ZNF148: variants seen among roughly 807,000 people sequenced by gnomAD.
ZNF148 encodes Beta-Enolase Repressor Factor-1.
Under a neutral mutation model 67.7 loss-of-function variants are expected in ZNF148, and 7 were observed. The observed-to-expected ratio is 0.10, with a 90% confidence interval of 0.06 to 0.19. ZNF148 has a LOEUF of 0.19. Ranked by LOEUF, ZNF148 falls within the 10% of genes least tolerant of loss-of-function variation. ZNF148 has a pLI of 1.00. For missense variants in ZNF148, 583 were observed against 947.1 expected, an observed-to-expected ratio of 0.62 and a Z score of 5.05; for synonymous variants, 333 against 330.7, an observed-to-expected ratio of 1.01 and a Z score of -0.08.
At chr3:125,282,707 A>C (rs942530772) in intron 5 of ZNF148, among the ~76,000 whole-genome samples, 7 of 152,166 alleles carry the variant, frequency 4.6e-5, no homozygotes, top group African/African-American at 1.4e-4. Context: ...ATCTATTACC[A>C]GCCAGCTACC....
intron 1 of ZNF148, among the ~76,000 whole-genome samples, chr3:125,371,807 G>A (rs1336303649): frequency 6.6e-6 from 1 of 152,014 alleles, no homozygotes; most frequent in Non-Finnish European, 1.5e-5. Context: ...ACTCATGACT[G>A]TAATCCCAGC....
At chr3:125,309,116 C>T (rs950370344) in intron 4 of ZNF148, among the ~76,000 whole-genome samples, 14 of 152,112 alleles carry the variant, frequency 9.2e-5, no homozygotes, top group Admixed American at 8.5e-4. Flanking sequence ...AAAAAAACTT[C>T]CCAGGATTAC....
At chr3:125,269,901 T>G (rs1374518597) in intron 7 of ZNF148, among the ~76,000 whole-genome samples, 1 of 151,684 alleles carries the variant, frequency 6.6e-6, no homozygotes, top group African/African-American at 2.4e-5. Flanking sequence ...GGGCGTTAAA[T>G]CTTGGGTACA....
At chr3:125,370,775 T>C (rs1942854379) in intron 1 of ZNF148, among the ~76,000 whole-genome samples, 1 of 152,218 alleles carries the variant, frequency 6.6e-6, no homozygotes, top group South Asian at 2.1e-4. Flanking sequence ...AGTTTTTTCC[T>C]ACCACATTCC....
At chr3:125,249,556 C>T (rs887492077) in intron 7 of ZNF148, among the ~76,000 whole-genome samples, 9 of 152,128 alleles carry the variant, frequency 5.9e-5, no homozygotes, top group South Asian at 2.1e-4. Context: ...GAAACCACTG[C>T]ACACTGCTGC....
intron 1 of ZNF148, among the ~76,000 whole-genome samples, chr3:125,371,846 C>T (rs908069237): frequency 3.3e-5 from 5 of 151,460 alleles, no homozygotes; most frequent in Admixed American, 2.6e-4. Context: ...GGGTAGATCA[C>T]GAGGTCAGGA....
intron 4 of ZNF148, among the ~76,000 whole-genome samples, chr3:125,298,749 C>T (rs2124189): frequency 0.77 from 116,372 of 150,976 alleles, 45,380 homozygotes; most frequent in African/African-American, 0.85. Flanking sequence ...CTCAGCCTCC[C>T]AAGTAGCTGG....
intron 1 of ZNF148, among the ~76,000 whole-genome samples, chr3:125,374,364 T>A (rs1389653572): frequency 6.6e-6 from 1 of 152,206 alleles, no homozygotes; most frequent in African/African-American, 2.4e-5. Flanking sequence ...TCCCTGCATC[T>A]TCTCTACTAT....
At chr3:125,291,735 T>G (rs2107632287) in intron 4 of ZNF148, among the ~76,000 whole-genome samples, 1 of 152,268 alleles carries the variant, frequency 6.6e-6, no homozygotes, top group South Asian at 2.1e-4. Context: ...GGCCAAACAT[T>G]TTAAAAGAAT....
chr3:125,371,433 G>A (rs1456083922), intron 1 of ZNF148, among the ~76,000 whole-genome samples: 1 of 147,804 alleles, frequency 6.8e-6, no homozygotes, highest in Non-Finnish European at 1.5e-5. Context: ...TTGGGAAGCC[G>A]AAGCGGACAG....
intron 4 of ZNF148, among the ~76,000 whole-genome samples, chr3:125,312,152 T>C (rs1940247889): frequency 6.6e-6 from 1 of 152,190 alleles, no homozygotes; most frequent in Admixed American, 6.5e-5. Flanking sequence ...TATAGACTAA[T>C]ATTTCTCATG....
At chr3:125,286,020 G>C (rs1579707029) in intron 5 of ZNF148, among the ~76,000 whole-genome samples, 1 of 151,984 alleles carries the variant, frequency 6.6e-6, no homozygotes. Context: ...AGATAATCTG[G>C]GTTTTAGTCA....
intron 1 of ZNF148, among the ~76,000 whole-genome samples, chr3:125,336,636 TAACCAACCAATAAACTCA>T (rs1216188334): frequency 6.7e-6 from 1 of 149,974 alleles, no homozygotes; most frequent in Admixed American, 6.7e-5. Flanking sequence ...ATCCCAAGGA[TAACCAACCAATAAACTCA>T]AACCAACCAC....
chr3:125,297,388 A>C (rs1321739391), intron 4 of ZNF148, among the ~76,000 whole-genome samples: 2 of 152,142 alleles, frequency 1.3e-5, no homozygotes, highest in Non-Finnish European at 2.9e-5. Context: ...GGACAGGCAA[A>C]AATTTCTTAA....
At chr3:125,268,056 G>T (rs936560797) in intron 7 of ZNF148, among the ~76,000 whole-genome samples, 9 of 151,924 alleles carry the variant, frequency 5.9e-5, no homozygotes, top group African/African-American at 1.9e-4. Context: ...ACTGCTGAAG[G>T]AAATCACAGA....
At chr3:125,253,615 G>C (rs1238438419) in intron 7 of ZNF148, among the ~76,000 whole-genome samples, 1 of 152,082 alleles carries the variant, frequency 6.6e-6, no homozygotes, top group South Asian at 2.1e-4. Flanking sequence ...TATTATTCTA[G>C]TTAAGATGTT....
rs922620544 is a variant in ZNF148, at chr3:125,331,204, C to A, written c.-199G>T. On this transcript the variant is annotated 5_prime_UTR_variant, in exon 2 of 9. Transcript: ENST00000360647. The stretch of plus-strand genomic sequence containing the variant: ...AACGCCCATCCCGCCAGATCACGTG[C>A]TTGAATTTCCAAGCTGCTGATTCCT... 1.5e-5 allele frequency: 6 copies of A among 398,416 alleles called. No homozygotes were observed. Among genetic ancestry groups the A allele is most frequent in the Middle Eastern group, 6.2e-4 (1 of 1,610 alleles). The allele number at this position is 398,416 out of a possible 1,614,324, so 24.7% of individuals were successfully genotyped here.
At chr3:125,300,840 A>G (rs7625154) in intron 4 of ZNF148, among the ~76,000 whole-genome samples, 2 of 152,360 alleles carry the variant, frequency 1.3e-5, no homozygotes, top group South Asian at 2.1e-4. Context: ...AATACAGAAC[A>G]TAAGTCCTTC....
chr3:125,257,730 TTTTA>T (rs935523245), intron 7 of ZNF148, among the ~76,000 whole-genome samples: 3 of 152,166 alleles, frequency 2.0e-5, no homozygotes, highest in Non-Finnish European at 2.9e-5. Context: ...AAATTTTTAT[TTTTA>T]ATAAAAACTG....
Sources: gnomAD v4.1 joint callset for allele counts (sites outside exome capture counted in the v4.1 genomes callset) on GRCh38, gnomAD v4.1.1 for gene constraint, MANE v1.5 for transcripts, NCBI Gene and HGNC (gene_info 2026-07-23, HGNC 2026-07-21) for gene names.